The following SPTB variants were observed in gnomAD, a reference collection of about 807,000 sequenced individuals.
SPTB encodes spectrin beta, erythrocytic, also known as spectrin beta chain, erythrocytic.
A neutral mutation model predicts 256.2 loss-of-function variants in SPTB; 45 were observed. The ratio of observed to expected loss-of-function variants is 0.18; its 90% CI spans 0.14 to 0.23. SPTB has a LOEUF of 0.23. Among genes scored for constraint, SPTB ranks in the 10% least tolerant of loss-of-function variants. SPTB has a pLI of 1.00. For missense variants in SPTB, 2,715 were observed against 3,040.4 expected (o/e 0.89, Z 2.52); for synonymous variants, 1,231 against 1,243.1 (o/e 0.99, Z 0.21).
intron 1 of SPTB, among the ~76,000 whole-genome samples, chr14:64,875,717 A>G (rs1882790713): frequency 6.6e-6 from 1 of 151,964 alleles, no homozygotes; most frequent in Admixed American, 6.5e-5. Flanking sequence ...TGCTTCAAAG[A>G]TAAAATTCTT....
intron 32 of SPTB, among the ~76,000 whole-genome samples, chr14:64,761,227 C>T (rs1490338518): frequency 6.6e-6 from 1 of 152,158 alleles, no homozygotes; most frequent in Non-Finnish European, 1.5e-5. Context: ...AGGGCTGTCA[C>T]TGGGTGGGTT....
intron 1 of SPTB, among the ~76,000 whole-genome samples, chr14:64,871,555 G>T (rs1882534793): frequency 6.6e-6 from 1 of 152,198 alleles, no homozygotes; most frequent in African/African-American, 2.4e-5. Context: ...TGGACTCCAG[G>T]TCGCTTAACT....
intron 1 of SPTB, among the ~76,000 whole-genome samples, chr14:64,834,110 TC>T (rs1476537236): frequency 6.6e-6 from 1 of 150,824 alleles, no homozygotes; most frequent in African/African-American, 2.4e-5. Flanking sequence ...CACTGCAACC[TC>T]CGCCTTCCAG....
Position 64,786,507 on chromosome 14 carries a change from A to G in SPTB, c.3458T>C (p.Leu1153Pro). 6.2e-7 allele frequency: 1 copy of G among 1,613,988 alleles called. No homozygotes were observed. The highest frequency in any genetic ancestry group is 8.5e-7 in the Non-Finnish European group (1 of 1,179,998). Residue 1153 changes from leucine to proline, a missense_variant, in exon 16 of 36, where the codon CTG becomes CCG. Around this residue, in one of 4 missense-constraint regions of SPTB, gnomAD observed 2,239 missense variants for 2,384.4 expected, o/e 0.94. Coordinates refer to ENST00000644917, the MANE Select transcript of SPTB (RefSeq NM_001355436.2). This position sits in a 1 kb window ranked among gnomAD's most constrained non-coding sequence, Gnocchi z 5.6. The part of the protein sequence containing the change: ...LEGLDTGWNA[L>P]GRMWESRSHT... ...GCTGCGGCTCTCCCACATCCTGCCC[A>G]GGGCATTCCAGCCAGTATCCAGGCC...
chr14:64,854,244 G>A (rs1394687338), intron 1 of SPTB, among the ~76,000 whole-genome samples: 4 of 149,886 alleles, frequency 2.7e-5, no homozygotes, highest in African/African-American at 2.5e-5. Flanking sequence ...CCTTATCACC[G>A]GGCAAAAACA....
Position 64,774,538 on chromosome 14 carries a change from G to A in SPTB, c.4843-11C>T. On this transcript the variant is annotated splice_polypyrimidine_tract_variant and intron_variant, in intron 23 of 35. Coordinates refer to ENST00000644917, the MANE Select transcript of SPTB (RefSeq NM_001355436.2). ...GGCGCCCTCTTCATCCTAGGAGGCA[G>A]CAGACGGTCAGCGCCAGAGCTCAGT... 2.6e-6 allele frequency: 4 copies of A among 1,552,592 alleles called. No homozygotes were observed. Among genetic ancestry groups the A allele is most frequent in the Non-Finnish European group, 1.7e-6 (2 of 1,147,724 alleles).
chr14:64,774,002 C>T (rs1566747539), intron 24 of SPTB, among the ~76,000 whole-genome samples: 2 of 152,230 alleles, frequency 1.3e-5, no homozygotes, highest in African/African-American at 2.4e-5. Flanking sequence ...CAGGTTTCCA[C>T]CTGCACTCCT....
At chr14:64,848,951 C>G (rs914526919) in intron 1 of SPTB, among the ~76,000 whole-genome samples, 2 of 152,200 alleles carry the variant, frequency 1.3e-5, no homozygotes, top group African/African-American at 4.8e-5. Context: ...CCTACACTCA[C>G]AGAGCTTTGA....
intron 15 of SPTB, among the ~76,000 whole-genome samples, chr14:64,788,986 A>G (rs868417738): frequency 2.0e-5 from 3 of 152,244 alleles, no homozygotes; most frequent in African/African-American, 7.2e-5. Flanking sequence ...TCACTCATGT[A>G]CTAAGCATTT....
At chr14:64,769,422 C>T (rs533569385) in intron 28 of SPTB, among the ~76,000 whole-genome samples, 168 bp downstream of exon 28, 5 of 152,218 alleles carry the variant, frequency 3.3e-5, no homozygotes, top group Admixed American at 6.5e-5. Flanking sequence ...AGTGCGCTTG[C>T]TGGGGCTCCA....
Position 64,803,793 on chromosome 14 carries a change from A to G in SPTB, c.301-13T>C. 6.2e-7 allele frequency: 1 copy of G among 1,600,152 alleles called. No homozygotes were observed. The highest frequency in any genetic ancestry group is 8.5e-7 in the Non-Finnish European group (1 of 1,172,732). ...TGGTGGGCTTTGGCTGGGGGACAGC[A>G]GTGGCCCCCGTGGGCATGGAGGGAC... On this transcript the variant is annotated splice_polypyrimidine_tract_variant and intron_variant, in intron 3 of 35. Transcript: ENST00000644917.
At chr14:64,877,835 A>T (rs1312530047) in intron 1 of SPTB, among the ~76,000 whole-genome samples, 1 of 152,250 alleles carries the variant, frequency 6.6e-6, no homozygotes, top group Admixed American at 6.5e-5. Flanking sequence ...GATCCCAGGT[A>T]GGAGTCTTGC....
In SPTB at chr14:64,826,344, C is replaced by T. The variant is rs1358276628; in HGVS notation, c.-51-3199G>A. ...TACTGTTACAACGGCCCTTCAAAGG[C>T]CTGGCTATAAAGAGATGACCATGAC... On this transcript the variant is annotated intron_variant, in intron 1 of 35. Transcript: ENST00000644917. This position sits in a 1 kb window ranked among gnomAD's most constrained non-coding sequence, Gnocchi z 4.4. 1.3e-5 allele frequency among the ~76,000 whole-genome samples: 2 copies of T among 152,162 alleles called. No individual in the cohort carries two copies. The highest frequency in any genetic ancestry group is 2.4e-5 in the African/African-American group (1 of 41,430).
At chr14:64,750,852 T>C (rs2081935571) in intron 33 of SPTB, among the ~76,000 whole-genome samples, 1 of 147,038 alleles carries the variant, frequency 6.8e-6, no homozygotes, top group Non-Finnish European at 1.5e-5. Context: ...ACATATTTAT[T>C]ATATAACATA....
rs2082929761 is a variant in SPTB, at chr14:64,803,632, A to G, written c.449T>C (p.Ile150Thr). The G allele has an allele frequency of 2.5e-6, 4 of 1,614,196 alleles. No homozygotes were observed. Among genetic ancestry groups the G allele is most frequent in the Non-Finnish European group, 3.4e-6 (4 of 1,180,036 alleles). ...CTGGAAGCGGAGGATGATGGTCCAG[A>G]TGAGGCCCAGGACCAGGCGGTGGTT... ...DGNHRLVLGLIWTIILRFQIQ... is the reference protein window; with the variant it reads ...DGNHRLVLGLTWTIILRFQIQ... The change falls in exon 4 of 36, where the codon ATC (isoleucine) becomes ACC (threonine). Residue 150 changes from isoleucine to threonine, a missense_variant. By Grantham distance (89) the Ile-to-Thr change is moderately conservative. Coordinates refer to ENST00000644917, the MANE Select transcript of SPTB (RefSeq NM_001355436.2).
Position 64,747,189 on chromosome 14 carries a change from G to C in SPTB, c.*2117C>G, listed in dbSNP as rs1398876694. On this transcript the variant is annotated 3_prime_UTR_variant, in exon 36 of 36. Coordinates refer to ENST00000644917, the MANE Select transcript of SPTB (RefSeq NM_001355436.2). Reference sequence around the variant, plus strand: ...AATGCCTCACTTCAGGTGCTGATTTGGCACACGTGGAAGGGGGAGGGTGGG... The same window carrying C: ...AATGCCTCACTTCAGGTGCTGATTTCGCACACGTGGAAGGGGGAGGGTGGG... 6.6e-6 allele frequency: 1 copy of C among 152,508 alleles called. No individual in the cohort carries two copies. Among genetic ancestry groups the C allele is most frequent in the African/African-American group, 2.4e-5 (1 of 41,452 alleles). The allele number at this position is 152,508 out of a possible 1,614,324, so 9.4% of individuals were successfully genotyped here.
chr14:64,808,488 CA>C (rs2083027039), intron 2 of SPTB, among the ~76,000 whole-genome samples: 1 of 152,108 alleles, frequency 6.6e-6, no homozygotes, highest in South Asian at 2.1e-4. Context: ...AGTTTCAGGT[CA>C]AATACACCCA....
Position 64,785,810 on chromosome 14 carries a change from C to A in SPTB, c.3703G>T (p.Val1235Leu). 6.2e-7 allele frequency: 1 copy of A among 1,614,106 alleles called. No individual in the cohort carries two copies. Among genetic ancestry groups the A allele is most frequent in the South Asian group, 1.1e-5 (1 of 91,084 alleles). ...TCTGAGTATAGGTTTCCCTCAGCTA[C>A]CAGCTTGTTTCCAGAGTCCACAGGA... ...LSPVDSGNKL[V>L]AEGNLYSDKI... is the part of the protein sequence containing the mutation. The change falls in exon 17 of 36, where the codon GTA (valine) becomes TTA (leucine). Residue 1235 changes from valine (V) to leucine (L), a missense_variant. By Grantham distance (32) the Val-to-Leu change is conservative (BLOSUM62 1). Coordinates refer to ENST00000644917, the MANE Select transcript of SPTB (RefSeq NM_001355436.2). This position sits in a 1 kb window ranked among gnomAD's most constrained non-coding sequence, Gnocchi z 4.4.
rs186525620 is a variant in SPTB, at chr14:64,826,548, C to T, written c.-51-3403G>A. 1.7e-3 allele frequency among the ~76,000 whole-genome samples: 266 copies of T among 152,202 alleles called. 3 individuals carry two copies. Among genetic ancestry groups the T allele is most frequent in the Admixed American group, 0.012 (184 of 15,290 alleles). ...TGGCCTTCCATGAGTCACGGAGGAC[C>T]GCAAATACATGGCTAAAATTAGATC... On this transcript the variant is annotated intron_variant, in intron 1 of 35. Transcript: ENST00000644917. This position sits in a 1 kb window ranked among gnomAD's most constrained non-coding sequence, Gnocchi z 4.4.
Sources: gnomAD v4.1 joint callset for allele counts (sites outside exome capture counted in the v4.1 genomes callset) on GRCh38, gnomAD v4.1.1 for gene constraint, gnomAD v4.1.1 regional missense constraint, Gnocchi (gnomAD v3.1) non-coding constraint, MANE v1.5 for transcripts, NCBI Gene and HGNC (gene_info 2026-07-23, HGNC 2026-07-21) for gene names.